Variants in OR10K2 observed in about 807,000 individuals in gnomAD.
OR10K2 encodes the protein olfactory receptor family 10 subfamily K member 2.
For missense variants in OR10K2, 401 were observed against 367.1 expected (o/e 1.09, Z -0.76); for synonymous variants, 169 against 146.4 (o/e 1.15, Z -1.11).
chr1:158,420,874 ACAT>A lies in OR10K2; in HGVS notation c.-11_-9del. The A allele has an allele frequency of 6.2e-7, 1 of 1,610,700 alleles. No individual in the cohort carries two copies. Among genetic ancestry groups the A allele is most frequent in the Non-Finnish European group, 8.5e-7 (1 of 1,178,112 alleles). ...CTCATTGACCCGCTCCATGGAGCAT[ACAT>A]CATCAGGAGACAATTAGGGAGAGAA... On this transcript the variant is annotated 5_prime_UTR_variant, in exon 2 of 2. The change abolishes an upstream ATG in the 5' untranslated region. Transcript: ENST00000641042.
At chr1:158,424,009 A>G (rs2101648734) in intron 1 of OR10K2, among the ~76,000 whole-genome samples, 1 of 152,236 alleles carries the variant, frequency 6.6e-6, no homozygotes. Context: ...ATATTATAAA[A>G]TAGCCTATAA....
At chr1:158,425,649 C>G (rs1655239449) in intron 1 of OR10K2, among the ~76,000 whole-genome samples, 1 of 150,050 alleles carries the variant, frequency 6.7e-6, no homozygotes, top group South Asian at 2.1e-4. Context: ...CTATCTGATA[C>G]AGTCCTTTCT....
At chr1:158,422,009 C>A (rs552459194) in intron 1 of OR10K2, among the ~76,000 whole-genome samples, 207 of 152,118 alleles carry the variant, frequency 1.4e-3, no homozygotes, top group Middle Eastern at 6.8e-3. Flanking sequence ...TGAAAGCTTT[C>A]TTGCTACCTT....
At position 158,420,538 on chromosome 1, in the gene OR10K2, G is replaced by A. The variant is rs752602639; in HGVS notation, c.329C>T (p.Ser110Phe). The change falls in exon 2 of 2, where the codon TCT becomes TTT. Residue 110 changes from serine (S) to phenylalanine (F), a missense_variant. Coordinates refer to ENST00000641042, the MANE Select transcript of OR10K2 (RefSeq NM_001004476.2). ...QMFSFLFLGCSHSFLLAVMGY... is the reference protein window; with the variant it reads ...QMFSFLFLGCFHSFLLAVMGY... The stretch of plus-strand genomic sequence containing the variant: ...CATGACTGCCAGCAGAAAGGAGTGA[G>A]AGCAGCCAAGGAAGAGGAAGGAAAA... 8 of 1,613,764 alleles carry A rather than the reference G, an allele frequency of 5.0e-6. No individual in the cohort carries two copies. Among genetic ancestry groups the A allele is most frequent in the Non-Finnish European group, 6.8e-6 (8 of 1,179,898 alleles).
rs1055890414 is a variant in OR10K2, at chr1:158,418,449, T to C, written c.*1479A>G. ...GCAATATGGCCAAGGAAAAGACAAC[T>C]TGGGGGCCACTGAAATTAATTTTGC... On this transcript the variant is annotated 3_prime_UTR_variant, in exon 2 of 2. Coordinates refer to ENST00000641042, the MANE Select transcript of OR10K2 (RefSeq NM_001004476.2). 3.9e-5 allele frequency: 6 copies of C among 152,106 alleles called. No homozygotes were observed. The highest frequency in any genetic ancestry group is 8.8e-5 in the Non-Finnish European group (6 of 68,012). 9.4% of individuals were successfully genotyped at this position (152,106 alleles called of 1,614,324 possible).
At position 158,419,233 on chromosome 1, in the gene OR10K2, C is replaced by T. The variant is rs372821658; in HGVS notation, c.*695G>A. On this transcript the variant is annotated 3_prime_UTR_variant, in exon 2 of 2. Transcript: ENST00000641042. ...TTTTGGAAGACTGAGGTCCAGAAAA[C>T]ATCTAGAAAAATCCTAGAGATAGAA... 1.4e-4 allele frequency: 22 copies of T among 154,666 alleles called. 1 individual carries two copies. In the Middle Eastern group the frequency reaches 2.6e-3, roughly 18 times the overall value. 9.6% of individuals were successfully genotyped at this position (154,666 alleles called of 1,614,324 possible).
In OR10K2 at chr1:158,419,988, T is replaced by C. The variant is rs1179926056; in HGVS notation, c.879A>G (p.Arg293=). The C allele has an allele frequency of 6.2e-7, 1 of 1,612,924 alleles. No individual in the cohort carries two copies. Among genetic ancestry groups the C allele is most frequent in the African/African-American group, 1.3e-5 (1 of 74,996 alleles). ...PLFNPMIYSL[R]NKEFKSALCK... ...AAAGAGCTGATTTGAACTCTTTATT[T>C]CTCAAGCTATAAATCATTGGGTTGA... Residue 293 remains arginine, a synonymous_variant, in exon 2 of 2, where the codon AGA becomes AGG. Coordinates refer to ENST00000641042, the MANE Select transcript of OR10K2 (RefSeq NM_001004476.2).
intron 1 of OR10K2, among the ~76,000 whole-genome samples, chr1:158,422,536 T>G (rs1557861582): frequency 6.6e-6 from 1 of 152,112 alleles, no homozygotes; most frequent in Non-Finnish European, 1.5e-5. Flanking sequence ...CTAGTACATT[T>G]GCTGCTCTGT....
chr1:158,420,119 C>T lies in OR10K2; in HGVS notation c.748G>A (p.Val250Ile), dbSNP rs748681939. Residue 250 changes from valine to isoleucine, a missense_variant, in exon 2 of 2, where the codon GTC becomes ATC. By Grantham distance (29) the Val-to-Ile change is conservative. Transcript: ENST00000641042. Reference sequence around the variant, plus strand: ...ATAAAGGAGGCACAGCCATAGTGGACAGTGACAATAATGAGGTGAGATACA... The same window carrying T: ...ATAAAGGAGGCACAGCCATAGTGGATAGTGACAATAATGAGGTGAGATACA... ...TCVSHLIIVT[V>I]HYGCASFIYL... The T allele has an allele frequency of 1.9e-6, 3 of 1,613,502 alleles. No individual in the cohort carries two copies. The highest frequency in any genetic ancestry group is 1.1e-5 in the South Asian group (1 of 91,082).
chr1:158,419,821 A>G lies in OR10K2; in HGVS notation c.*107T>C. 1 of 827,128 alleles carries G rather than the reference A, an allele frequency of 1.2e-6. No individual in the cohort carries two copies. Among genetic ancestry groups the G allele is most frequent in the Non-Finnish European group, 1.9e-6 (1 of 522,916 alleles). 51.2% of individuals were successfully genotyped at this position (827,128 alleles called of 1,614,324 possible). ...GAGATAGGATTTCACTATGTTGGCC[A>G]GGCTGGTCTTGAAGTCCTGACCTCA... On this transcript the variant is annotated 3_prime_UTR_variant, in exon 2 of 2. Coordinates refer to ENST00000641042, the MANE Select transcript of OR10K2 (RefSeq NM_001004476.2).
chr1:158,420,569 G>C lies in OR10K2; in HGVS notation c.298C>G (p.Gln100Glu), dbSNP rs143638899. 1 of 1,613,902 alleles carries C rather than the reference G, an allele frequency of 6.2e-7. No individual in the cohort carries two copies. The highest frequency in any genetic ancestry group is 8.5e-7 in the Non-Finnish European group (1 of 1,179,910). ...CCAAGGAAGAGGAAGGAAAACATTT[G>C]GATGGCACAGCCCAGGAAAGAAATG... ...KTISFLGCAI[Q>E]MFSFLFLGCS... The change falls in exon 2 of 2, where the codon CAA becomes GAA. Residue 100 changes from glutamine (Q) to glutamate (E), a missense_variant. Coordinates refer to ENST00000641042, the MANE Select transcript of OR10K2 (RefSeq NM_001004476.2).
At chr1:158,420,973 C>T in intron 1 of OR10K2, 46 bp from the exon 2 acceptor site, 1 of 1,031,610 alleles carries the variant, frequency 9.7e-7, no homozygotes, top group Non-Finnish European at 1.4e-6. Context: ...AGCATGCGTT[C>T]TCAGATTTTG....
intron 1 of OR10K2, among the ~76,000 whole-genome samples, chr1:158,423,320 A>G (rs1384343505): frequency 1.3e-5 from 2 of 150,688 alleles, no homozygotes; most frequent in Non-Finnish European, 3.0e-5. Flanking sequence ...TAGTACTACT[A>G]ATAAATTTCT....
intron 1 of OR10K2, among the ~76,000 whole-genome samples, chr1:158,425,402 T>C (rs755202267): frequency 2.0e-5 from 3 of 152,112 alleles, no homozygotes; most frequent in Non-Finnish European, 4.4e-5. Context: ...TCCACAGTAT[T>C]ATCCTGCCTT....
Position 158,420,363 on chromosome 1 carries a change from A to C in OR10K2, c.504T>G (p.Phe168Leu). 1 of 1,613,938 alleles carries C rather than the reference A, an allele frequency of 6.2e-7. No homozygotes were observed. Among genetic ancestry groups the C allele is most frequent in the South Asian group, 1.1e-5 (1 of 91,084 alleles). Reference protein sequence around the residue: ...IITSLVFHLPFYSSNQLHHFF... With the variant: ...IITSLVFHLPLYSSNQLHHFF... ...AGTGATGTAGTTGATTGGAGGAATA[A>C]AAAGGCAGGTGAAATACCAAGGATG... Residue 168 changes from phenylalanine (F) to leucine (L), a missense_variant, in exon 2 of 2, where the codon TTT becomes TTG. By Grantham distance (22) the Phe-to-Leu change is conservative. Coordinates refer to ENST00000641042, the MANE Select transcript of OR10K2 (RefSeq NM_001004476.2).
chr1:158,422,043 C>T (rs1655166868), intron 1 of OR10K2, among the ~76,000 whole-genome samples: 1 of 151,982 alleles, frequency 6.6e-6, no homozygotes, highest in Non-Finnish European at 1.5e-5. Context: ...TTGTTTCTTC[C>T]TCAGAACTCA....
chr1:158,420,154 A>T lies in OR10K2; in HGVS notation c.713T>A (p.Phe238Tyr). 2 of 1,613,712 alleles carry T rather than the reference A, an allele frequency of 1.2e-6. No individual in the cohort carries two copies. The highest frequency in any genetic ancestry group is 1.7e-6 in the Non-Finnish European group (2 of 1,179,840). Residue 238 changes from phenylalanine (F) to tyrosine (Y), a missense_variant, in exon 2 of 2, where the codon TTT becomes TAT. By Grantham distance (22) the Phe-to-Tyr change is conservative. Coordinates refer to ENST00000641042, the MANE Select transcript of OR10K2 (RefSeq NM_001004476.2). ...FPSTLGRCKAFSTCVSHLIIV... is the reference protein window; with the variant it reads ...FPSTLGRCKAYSTCVSHLIIV... ...AATGAGGTGAGATACACAGGTAGAA[A>T]AAGCTTTGCACCTACCCAGTGTGGA...
In OR10K2 at chr1:158,420,636, A is replaced by C. The variant is rs985806078; in HGVS notation, c.231T>G (p.Ile77Met). The change falls in exon 2 of 2, where the codon ATT becomes ATG. Residue 77 changes from isoleucine (I) to methionine (M), a missense_variant. By Grantham distance (10) the Ile-to-Met change is conservative. Coordinates refer to ENST00000641042, the MANE Select transcript of OR10K2 (RefSeq NM_001004476.2). ...SCSEICYTFI[I>M]VPKMLVDLLS... ...GCAGGTCAACCAGCATCTTGGGTAC[A>C]ATGATGAAGGTGTAGCAAATCTCAG... The C allele has an allele frequency of 1.2e-6, 2 of 1,613,904 alleles. No homozygotes were observed.
chr1:158,423,453 T>TA (rs896585912), intron 1 of OR10K2, among the ~76,000 whole-genome samples: 1 of 151,960 alleles, frequency 6.6e-6, no homozygotes, highest in Non-Finnish European at 1.5e-5. Context: ...GTTCTAGTGG[T>TA]AAAACCTTAA....
Sources: gnomAD v4.1 joint callset for allele counts (sites outside exome capture counted in the v4.1 genomes callset) on GRCh38, gnomAD v4.1.1 for gene constraint, MANE v1.5 for transcripts, NCBI Gene and HGNC (gene_info 2026-07-23, HGNC 2026-07-21) for gene names.